The following RBFOX1 variants were observed in gnomAD, a reference collection of about 807,000 sequenced individuals.
RBFOX1 encodes the protein RNA binding protein fox-1 homolog 1.
RBFOX1 carries 8 observed loss-of-function variants against 57.7 expected under a neutral mutation model. The observed-to-expected ratio is 0.14, with a 90% confidence interval of 0.08 to 0.25. RBFOX1 has a LOEUF of 0.25. RBFOX1 is among the 10% of genes least tolerant of loss of function. The pLI is 1.00. For missense variants in RBFOX1, 611 were observed against 548.5 expected, an observed-to-expected ratio of 1.11 and a Z score of -1.14; for synonymous variants, 326 against 222.4, an observed-to-expected ratio of 1.47 and a Z score of -4.15.
At chr16:7,229,971 A>G (rs1311794824) in intron 4 of RBFOX1, among the ~76,000 whole-genome samples, 1 of 83,524 alleles carries the variant, frequency 1.2e-5, no homozygotes, top group Admixed American at 1.1e-4. Flanking sequence ...AGGAAGGGAG[A>G]GAGAGGGAGG....
At chr16:6,587,896 C>G (rs983025810) in intron 2 of RBFOX1, among the ~76,000 whole-genome samples, 5 of 152,174 alleles carry the variant, frequency 3.3e-5, no homozygotes, top group Admixed American at 3.3e-4. Flanking sequence ...GCACCATGAA[C>G]AACTCATGCC....
intron 3 of RBFOX1, among the ~76,000 whole-genome samples, chr16:6,709,103 C>T (rs893381264): frequency 6.6e-6 from 1 of 152,136 alleles, no homozygotes; most frequent in African/African-American, 2.4e-5. Context: ...AATAATACAG[C>T]TTATGTCATA....
chr16:7,449,937 T>G (rs965576955), intron 4 of RBFOX1, among the ~76,000 whole-genome samples: 1 of 151,492 alleles, frequency 6.6e-6, no homozygotes, highest in African/African-American at 2.4e-5. Flanking sequence ...AAGTGGAGAG[T>G]TGTCTCTCTG....
At chr16:5,989,172 A>AT in intron 4 of RBFOX1, among the ~76,000 whole-genome samples, 1 of 151,066 alleles carries the variant, frequency 6.6e-6, no homozygotes, top group Middle Eastern at 3.4e-3. Context: ...AAAAAAAAAA[A>AT]TACAAAAAAT....
chr16:6,291,532 C>A (rs776050003), intron 1 of RBFOX1, among the ~76,000 whole-genome samples: 1 of 152,216 alleles, frequency 6.6e-6, no homozygotes, highest in East Asian at 1.9e-4. Context: ...CTGGTTCATG[C>A]AAACCTGCCT....
At chr16:5,917,447 G>A (rs1357951495) in intron 4 of RBFOX1, among the ~76,000 whole-genome samples, 2 of 152,180 alleles carry the variant, frequency 1.3e-5, no homozygotes, top group Non-Finnish European at 2.9e-5. Flanking sequence ...AGGTTGAGAC[G>A]TTAAGTAATT....
At chr16:6,637,495 T>C (rs2098454442) in intron 2 of RBFOX1, among the ~76,000 whole-genome samples, 1 of 50,036 alleles carries the variant, frequency 2.0e-5, no homozygotes, top group South Asian at 1.5e-3. Flanking sequence ...CTATATATTA[T>C]ATATAATATT....
chr16:7,212,221 A>G (rs2091278435), intron 4 of RBFOX1, among the ~76,000 whole-genome samples: 1 of 152,138 alleles, frequency 6.6e-6, no homozygotes, highest in African/African-American at 2.4e-5. Context: ...AAGGGAGAGA[A>G]ACCAGAGAAT....
At chr16:5,635,054 A>T (rs2048637450) in intron 3 of RBFOX1, among the ~76,000 whole-genome samples, 1 of 152,174 alleles carries the variant, frequency 6.6e-6, no homozygotes, top group African/African-American at 2.4e-5. Context: ...AAAATAAAAG[A>T]GATGGAGGGG....
chr16:5,766,717 T>C (rs537615936), intron 3 of RBFOX1, among the ~76,000 whole-genome samples: 3 of 152,226 alleles, frequency 2.0e-5, no homozygotes, highest in African/African-American at 4.8e-5. Context: ...ACCTCCAATG[T>C]TGGGGACCAG....
intron 1 of RBFOX1, among the ~76,000 whole-genome samples, chr16:6,044,539 A>C (rs558445384): frequency 3.9e-5 from 6 of 152,316 alleles, no homozygotes; most frequent in African/African-American, 1.2e-4. Context: ...TAATGAGCTA[A>C]TTACAGAGAG....
chr16:5,883,639 G>A (rs892473996), intron 4 of RBFOX1, among the ~76,000 whole-genome samples: 5 of 152,038 alleles, frequency 3.3e-5, no homozygotes, highest in African/African-American at 1.2e-4. Flanking sequence ...GCATGCTTGA[G>A]GCTCTGTCTA....
chr16:6,907,308 T>C (rs1480417097), intron 3 of RBFOX1, among the ~76,000 whole-genome samples: 1 of 152,176 alleles, frequency 6.6e-6, no homozygotes, highest in Non-Finnish European at 1.5e-5. Context: ...CCTCCTTCAG[T>C]ATTCCCAGTG....
chr16:7,186,259 T>TATATAA (rs1491272512), intron 4 of RBFOX1, among the ~76,000 whole-genome samples: 277 of 69,210 alleles, frequency 4.0e-3, no homozygotes, highest in Non-Finnish European at 5.8e-3. Context: ...TAAACATATT[T>TATATAA]ATATAAACAT....
At chr16:7,004,305 G>T (rs1360846961) in intron 3 of RBFOX1, among the ~76,000 whole-genome samples, 3 of 152,100 alleles carry the variant, frequency 2.0e-5, no homozygotes, top group Non-Finnish European at 4.4e-5. Flanking sequence ...ACTCCATTCG[G>T]ATACCTAAGG....
chr16:5,242,045 G>T (rs2062181317), intron 1 of RBFOX1, among the ~76,000 whole-genome samples: 1 of 152,010 alleles, frequency 6.6e-6, no homozygotes, highest in Non-Finnish European at 1.5e-5. Flanking sequence ...AGCCTGGAAG[G>T]TCCAGCTGCA....
intron 2 of RBFOX1, among the ~76,000 whole-genome samples, chr16:5,479,241 T>A (rs532380916): frequency 1.2e-4 from 18 of 152,278 alleles, no homozygotes; most frequent in African/African-American, 4.3e-4. Context: ...GTCATTTGAT[T>A]GGCACCAAGC....
intron 3 of RBFOX1, among the ~76,000 whole-genome samples, chr16:7,041,766 C>T (rs1040091444): frequency 5.3e-5 from 8 of 152,320 alleles, no homozygotes; most frequent in Admixed American, 2.6e-4. Flanking sequence ...AGTCATTTGA[C>T]CCAGTGCTTC....
intron 4 of RBFOX1, among the ~76,000 whole-genome samples, chr16:7,303,754 C>CCTCT (rs2096091489): frequency 6.8e-6 from 1 of 148,094 alleles, no homozygotes; most frequent in Non-Finnish European, 1.5e-5. Flanking sequence ...CTTTACCCTC[C>CCTCT]CTCTCGCTCT....
Sources: gnomAD v4.1 joint callset for allele counts (sites outside exome capture counted in the v4.1 genomes callset) on GRCh38, gnomAD v4.1.1 for gene constraint, MANE v1.5 for transcripts, NCBI Gene and HGNC (gene_info 2026-07-23, HGNC 2026-07-21) for gene names.